Variants in JAKMIP1 observed in about 807,000 individuals in gnomAD.
JAKMIP1 encodes the protein janus kinase and microtubule-interacting protein 1.
Under a neutral mutation model 113.0 loss-of-function variants are expected in JAKMIP1, and 33 were observed. The observed-to-expected ratio is 0.29, with a 90% confidence interval of 0.22 to 0.39. The LOEUF is 0.39. JAKMIP1 is among the 10% of genes least tolerant of loss of function. The probability of loss-of-function intolerance (pLI) is 1.00; values close to 1 mark genes in which losing one functional copy is unlikely to be tolerated. For missense variants in JAKMIP1, 813 were observed against 1,080.5 expected (o/e 0.75, Z 3.47); for synonymous variants, 480 against 459.9 (o/e 1.04, Z -0.56).
intron 3 of JAKMIP1, among the ~76,000 whole-genome samples, chr4:6,104,731 C>T (rs1042300572): frequency 3.3e-5 from 5 of 152,212 alleles, no homozygotes; most frequent in Non-Finnish European, 5.9e-5. Flanking sequence ...TTGTCTCCTA[C>T]GTCCAGTGAG....
At position 6,184,357 on chromosome 4, in the gene JAKMIP1, C is replaced by G. The variant is rs572888016; in HGVS notation, c.-148+15896G>C. ...GGGGGCATGCCTCGAACACACGCCT[C>G]CCTACTCCCAGCCCACTGCTGGTTT... On this transcript the variant is annotated intron_variant, in intron 1 of 20. Coordinates refer to ENST00000409021, the MANE Select transcript of JAKMIP1 (RefSeq NM_001099433.2). The surrounding 1 kb of genome is among the most constrained non-coding windows in gnomAD (Gnocchi z 4.5). Among the ~76,000 whole-genome samples the G allele has an allele frequency of 6.6e-6, 1 of 152,302 alleles. No homozygotes were observed. The highest frequency in any genetic ancestry group is 2.1e-4 in the South Asian group (1 of 4,826).
chr4:6,091,637 C>A (rs1309053870), intron 3 of JAKMIP1, among the ~76,000 whole-genome samples: 2 of 152,206 alleles, frequency 1.3e-5, no homozygotes, highest in African/African-American at 4.8e-5. Flanking sequence ...CTCTTCCCAC[C>A]ATGTGATGAC....
intron 3 of JAKMIP1, among the ~76,000 whole-genome samples, chr4:6,099,075 C>A (rs956355740): frequency 6.6e-6 from 1 of 152,208 alleles, no homozygotes; most frequent in Non-Finnish European, 1.5e-5. Context: ...CATCCTATTG[C>A]TACATTTATT....
chr4:6,109,279 C>G (rs887024248), intron 2 of JAKMIP1, among the ~76,000 whole-genome samples: 2 of 151,834 alleles, frequency 1.3e-5, no homozygotes, highest in African/African-American at 4.8e-5. Context: ...ACTACAGGCA[C>G]CCGCCACTGC....
intron 1 of JAKMIP1, among the ~76,000 whole-genome samples, chr4:6,127,137 T>C (rs78393092): frequency 0.013 from 2,018 of 152,252 alleles, 47 homozygotes; most frequent in African/African-American, 0.046. Flanking sequence ...CTCTTTCTTC[T>C]GGGGGAAAAT....
At chr4:6,030,552 T>C (rs1712489649) in intron 19 of JAKMIP1, among the ~76,000 whole-genome samples, 1 of 152,080 alleles carries the variant, frequency 6.6e-6, no homozygotes, top group Non-Finnish European at 1.5e-5. Flanking sequence ...TTCCAGATCT[T>C]CATGTGCTCA....
At chr4:6,126,696 A>C (rs1475483888) in intron 1 of JAKMIP1, among the ~76,000 whole-genome samples, 1 of 148,610 alleles carries the variant, frequency 6.7e-6, no homozygotes, top group Non-Finnish European at 1.5e-5. Flanking sequence ...TACACCACCC[A>C]CAAGCATGCC....
chr4:6,191,163 C>T (rs1170809461), intron 1 of JAKMIP1, among the ~76,000 whole-genome samples: 2 of 152,218 alleles, frequency 1.3e-5, no homozygotes, highest in East Asian at 3.9e-4. Flanking sequence ...TGGCCCGACA[C>T]TCTTGGGCCA....
In JAKMIP1 at chr4:6,062,457, A is replaced by C. The variant is rs1417024163; in HGVS notation, c.1432-17T>G. On this transcript the variant is annotated splice_polypyrimidine_tract_variant and intron_variant, in intron 9 of 20. Transcript: ENST00000409021. ...GGCTGTGGCCTTCACATAATGGAGA[A>C]GAAAACAAATAATCAAGTGCAAAAT... 3 of 1,599,914 alleles carry C rather than the reference A, an allele frequency of 1.9e-6. No homozygotes were observed. Among genetic ancestry groups the C allele is most frequent in the Non-Finnish European group, 2.6e-6 (3 of 1,171,330 alleles).
At chr4:6,170,032 T>TCACCAC (rs1177725000) in intron 1 of JAKMIP1, among the ~76,000 whole-genome samples, 1 of 75,738 alleles carries the variant, frequency 1.3e-5, no homozygotes, top group Non-Finnish European at 2.5e-5. Flanking sequence ...CACATTCCCA[T>TCACCAC]CACCACCACC....
intron 12 of JAKMIP1, among the ~76,000 whole-genome samples, chr4:6,056,104 G>A (rs1716403584): frequency 1.3e-5 from 2 of 151,746 alleles, no homozygotes; most frequent in African/African-American, 2.4e-5. Flanking sequence ...CTAGAGGTCG[G>A]GGCAGCCCTC....
In JAKMIP1 at chr4:6,040,409, C is replaced by T. The variant is rs1466073303; in HGVS notation, c.2175+230G>A. Among the ~76,000 whole-genome samples, 2 of 152,158 alleles carry T rather than the reference C, an allele frequency of 1.3e-5. No homozygotes were observed. Among genetic ancestry groups the T allele is most frequent in the Non-Finnish European group, 2.9e-5 (2 of 68,034 alleles). ...CAAATGATTACTAGAATTTAAGAAGCATGTCTAAGAAAACCATTAAAGTAA... is the reference window on the plus strand; with the variant it reads ...CAAATGATTACTAGAATTTAAGAAGTATGTCTAAGAAAACCATTAAAGTAA... On this transcript the variant is annotated intron_variant, in intron 18 of 20. Coordinates refer to ENST00000409021, the MANE Select transcript of JAKMIP1 (RefSeq NM_001099433.2). The surrounding 1 kb of genome is among the most constrained non-coding windows in gnomAD (Gnocchi z 5.8).
rs1715502061 is a variant in JAKMIP1, at chr4:6,050,335, G to A, written c.1908+243C>T. On this transcript the variant is annotated intron_variant, in intron 14 of 20. Coordinates refer to ENST00000409021, the MANE Select transcript of JAKMIP1 (RefSeq NM_001099433.2). This position sits in a 1 kb window ranked among gnomAD's most constrained non-coding sequence, Gnocchi z 7.4. Reference sequence around the variant, plus strand: ...TAAGGCTCTGAAAGTTTACAGGCCAGAGCAGTGGTGGAACTGGGGTTCACA... The same window carrying A: ...TAAGGCTCTGAAAGTTTACAGGCCAAAGCAGTGGTGGAACTGGGGTTCACA... Among the ~76,000 whole-genome samples the A allele has an allele frequency of 6.6e-6, 1 of 152,236 alleles. No homozygotes were observed. The highest frequency in any genetic ancestry group is 2.4e-5 in the African/African-American group (1 of 41,474).
intron 8 of JAKMIP1, among the ~76,000 whole-genome samples, chr4:6,072,129 A>T (rs938447697): frequency 6.6e-6 from 1 of 152,214 alleles, no homozygotes; most frequent in African/African-American, 2.4e-5. Flanking sequence ...TACTGAGCAC[A>T]AGACAATTAC....
In JAKMIP1 at chr4:6,137,340, A is replaced by G. The variant is rs1187691516; in HGVS notation, c.-147-24343T>C. Among the ~76,000 whole-genome samples the G allele has an allele frequency of 6.6e-6, 1 of 152,116 alleles. No individual in the cohort carries two copies. The highest frequency in any genetic ancestry group is 1.9e-4 in the East Asian group (1 of 5,184). ...GACGGCACGCGCTGGCATTTTCCTA[A>G]CAGACGGATCAGCTTTAGACGGCAC... On this transcript the variant is annotated intron_variant, in intron 1 of 20. Coordinates refer to ENST00000409021, the MANE Select transcript of JAKMIP1 (RefSeq NM_001099433.2). The surrounding 1 kb of genome is among the most constrained non-coding windows in gnomAD (Gnocchi z 4.5).
In JAKMIP1 at chr4:6,158,951, T is replaced by G. The variant is rs755345180; in HGVS notation, c.-148+41302A>C. Among the ~76,000 whole-genome samples the G allele has an allele frequency of 2.2e-4, 34 of 152,166 alleles. No individual in the cohort carries two copies. Among genetic ancestry groups the G allele is most frequent in the Admixed American group, 5.2e-4 (8 of 15,288 alleles). On this transcript the variant is annotated intron_variant, in intron 1 of 20. Coordinates refer to ENST00000409021, the MANE Select transcript of JAKMIP1 (RefSeq NM_001099433.2). This position sits in a 1 kb window ranked among gnomAD's most constrained non-coding sequence, Gnocchi z 5.3. ...AAAAAATACAAAAATTAGCGGGGCATAGTGGCATGCACCTATAGTCCCAGC... is the reference window on the plus strand; with the variant it reads ...AAAAAATACAAAAATTAGCGGGGCAGAGTGGCATGCACCTATAGTCCCAGC...
intron 1 of JAKMIP1, among the ~76,000 whole-genome samples, chr4:6,125,166 G>A (rs1367261690): frequency 6.6e-6 from 1 of 152,086 alleles, no homozygotes; most frequent in African/African-American, 2.4e-5. Flanking sequence ...TATGGTGTGT[G>A]TGCCACCCCA....
chr4:6,118,379 G>A (rs549822277), intron 1 of JAKMIP1, among the ~76,000 whole-genome samples: 21 of 152,236 alleles, frequency 1.4e-4, no homozygotes, highest in Admixed American at 5.2e-4. Flanking sequence ...TCATCCTGCT[G>A]TTTAAAAGGC....
At position 6,116,547 on chromosome 4, in the gene JAKMIP1, T is replaced by C. The variant is rs1049805629; in HGVS notation, c.-147-3550A>G. On this transcript the variant is annotated intron_variant, in intron 1 of 20. Transcript: ENST00000409021. The surrounding 1 kb of genome is among the most constrained non-coding windows in gnomAD (Gnocchi z 5.1). The stretch of plus-strand genomic sequence containing the variant: ...ACCTTGTCTGGCATATAGGCCAAGG[T>C]TGGCAAATATTCATCTCCCGCAAAC... 2.6e-5 allele frequency among the ~76,000 whole-genome samples: 4 copies of C among 152,276 alleles called. No homozygotes were observed. The highest frequency in any genetic ancestry group is 1.9e-4 in the East Asian group (1 of 5,166).
Sources: gnomAD v4.1 joint callset for allele counts (sites outside exome capture counted in the v4.1 genomes callset) on GRCh38, gnomAD v4.1.1 for gene constraint, Gnocchi (gnomAD v3.1) non-coding constraint, MANE v1.5 for transcripts, NCBI Gene and HGNC (gene_info 2026-07-23, HGNC 2026-07-21) for gene names.